PITPNC1: variants seen among roughly 807,000 people sequenced by gnomAD.
The protein encoded by PITPNC1 is cytoplasmic phosphatidylinositol transfer protein 1.
PITPNC1 carries 18 observed loss-of-function variants against 44.7 expected under a neutral mutation model. The ratio of observed to expected loss-of-function variants is 0.40; its 90% CI spans 0.28 to 0.60. PITPNC1 has a LOEUF of 0.60. PITPNC1 is among the 20% of genes least tolerant of loss of function. PITPNC1 has a pLI of 0.39. For missense variants in PITPNC1, 290 were observed against 418.4 expected (o/e 0.69, Z 2.68); for synonymous variants, 141 against 149.6 (o/e 0.94, Z 0.42).
At chr17:67,577,136 A>C (rs2041160168) in intron 4 of PITPNC1, among the ~76,000 whole-genome samples, 1 of 151,788 alleles carries the variant, frequency 6.6e-6, no homozygotes, top group Non-Finnish European at 1.5e-5. Flanking sequence ...AATTTTAAAA[A>C]TCCGCCAGGC....
At chr17:67,530,459 GT>G (rs1904969939) in intron 1 of PITPNC1, among the ~76,000 whole-genome samples, 3 of 152,020 alleles carry the variant, frequency 2.0e-5, no homozygotes, top group African/African-American at 7.2e-5. Flanking sequence ...CTGTGTCCCT[GT>G]CTAAGTTTCC....
intron 1 of PITPNC1, among the ~76,000 whole-genome samples, chr17:67,461,597 C>T (rs1160303680): frequency 6.6e-6 from 1 of 152,198 alleles, no homozygotes; most frequent in East Asian, 1.9e-4. Flanking sequence ...TGAGCCTCAG[C>T]AACACCCAGA....
At chr17:67,507,811 C>T (rs1251475865) in intron 1 of PITPNC1, among the ~76,000 whole-genome samples, 1 of 151,728 alleles carries the variant, frequency 6.6e-6, no homozygotes, top group Non-Finnish European at 1.5e-5. Context: ...TCTCAGTGTC[C>T]TTCCTGGGTT....
chr17:67,509,101 G>T (rs1215776114), intron 1 of PITPNC1, among the ~76,000 whole-genome samples: 1 of 151,890 alleles, frequency 6.6e-6, no homozygotes, highest in Middle Eastern at 3.2e-3. Flanking sequence ...GGGTGTGGTG[G>T]TGCACGCCTG....
intron 6 of PITPNC1, among the ~76,000 whole-genome samples, chr17:67,639,580 C>T (rs532859884): frequency 1.1e-4 from 17 of 152,300 alleles, no homozygotes; most frequent in Admixed American, 5.2e-4. Flanking sequence ...GGGCCCCTGA[C>T]GTGGCATAAT....
intron 1 of PITPNC1, among the ~76,000 whole-genome samples, chr17:67,399,439 C>A (rs145824283): frequency 2.2e-4 from 33 of 152,312 alleles, no homozygotes; most frequent in African/African-American, 7.7e-4. Flanking sequence ...ACTGTGCATT[C>A]TTTAGCCATT....
intron 1 of PITPNC1, among the ~76,000 whole-genome samples, chr17:67,523,656 AC>A (rs1416491565): frequency 4.0e-5 from 6 of 151,696 alleles, no homozygotes; most frequent in Non-Finnish European, 7.4e-5. Context: ...CATTTTTAAA[AC>A]CCCAGTGCTT....
At chr17:67,477,781 C>G (rs1198313359) in intron 1 of PITPNC1, among the ~76,000 whole-genome samples, 1 of 152,174 alleles carries the variant, frequency 6.6e-6, no homozygotes, top group East Asian at 1.9e-4. Flanking sequence ...GGGCTTCCCT[C>G]TACCCTGAGG....
chr17:67,675,917 C>T (rs1404009315), intron 8 of PITPNC1, among the ~76,000 whole-genome samples: 5 of 152,144 alleles, frequency 3.3e-5, no homozygotes, highest in African/African-American at 1.2e-4. Context: ...ACATTTGAAA[C>T]CACCCCTTGC....
chr17:67,441,301 C>T (rs1425396193), intron 1 of PITPNC1, among the ~76,000 whole-genome samples: 1 of 149,880 alleles, frequency 6.7e-6, no homozygotes, highest in African/African-American at 2.5e-5. Context: ...CCCATCAGTC[C>T]CCAGTTATTT....
rs16960991 is a variant in PITPNC1 at position 67,572,627 on chromosome 17, C to T, written c.295-5559C>T. Among the ~76,000 whole-genome samples, 1,029 of 151,758 alleles carry T rather than the reference C, an allele frequency of 6.8e-3. 17 individuals carry two copies. The highest frequency in any genetic ancestry group is 0.023 in the African/African-American group (958 of 41,334). ...AATGGTAATGGTGACAAAGGAGATACGCGCTGTGATAAAGGGACAAACAGA... is the reference window on the plus strand; with the variant it reads ...AATGGTAATGGTGACAAAGGAGATATGCGCTGTGATAAAGGGACAAACAGA... On this transcript the variant is annotated intron_variant, in intron 4 of 8. Transcript: ENST00000581322.
intron 5 of PITPNC1, among the ~76,000 whole-genome samples, chr17:67,631,896 A>C (rs1240688275): frequency 6.7e-6 from 1 of 150,368 alleles, no homozygotes; most frequent in African/African-American, 2.4e-5. Flanking sequence ...ACTCCTAAAA[A>C]CAGCCCAGTT....
intron 6 of PITPNC1, among the ~76,000 whole-genome samples, chr17:67,651,612 CAT>C (rs1320952368): frequency 5.9e-5 from 9 of 152,290 alleles, no homozygotes; most frequent in East Asian, 5.8e-4. Context: ...ACTATAATCA[CAT>C]GTTTACCTCA....
At position 67,570,906 on chromosome 17, in the gene PITPNC1, A is replaced by G. The variant is rs16960987; in HGVS notation, c.295-7280A>G. ...GTTACTAGTAAATATCACCCTGGGC[A>G]ATAAGCAGTGGCCATTGATTGACAA... On this transcript the variant is annotated intron_variant, in intron 4 of 8. Coordinates refer to ENST00000581322, the MANE Select transcript of PITPNC1 (RefSeq NM_012417.4). 0.014 allele frequency among the ~76,000 whole-genome samples: 2,073 copies of G among 152,274 alleles called. 264 individuals carry two copies. In the East Asian group the frequency reaches 0.31, roughly 23 times the overall value.
chr17:67,614,714 T>G (rs117845972), intron 5 of PITPNC1, among the ~76,000 whole-genome samples: 1,731 of 149,782 alleles, frequency 0.012, 11 homozygotes, highest in Middle Eastern at 0.082. Flanking sequence ...AAAAATAAAT[T>G]AAAAATGACA....
intron 6 of PITPNC1, among the ~76,000 whole-genome samples, chr17:67,661,382 T>C (rs1291970370): frequency 1.3e-5 from 2 of 152,112 alleles, no homozygotes; most frequent in Non-Finnish European, 2.9e-5. Flanking sequence ...CTTTTGTCAA[T>C]ATTGTTCTAC....
At chr17:67,520,792 A>G (rs970704387) in intron 1 of PITPNC1, among the ~76,000 whole-genome samples, 6 of 152,088 alleles carry the variant, frequency 3.9e-5, no homozygotes, top group African/African-American at 1.4e-4. Context: ...TGCTCTCTTA[A>G]TCATTCTTCA....
chr17:67,545,782 G>A (rs1341460968), intron 2 of PITPNC1, among the ~76,000 whole-genome samples: 1 of 152,098 alleles, frequency 6.6e-6, no homozygotes, highest in East Asian at 1.9e-4. Context: ...CACAGACGGA[G>A]AGACAGAAAC....
chr17:67,425,494 CTTCT>C lies in PITPNC1; in HGVS notation c.48+47293_48+47296del, dbSNP rs563273313. ...CCCTCCCTCCCTCCCTCCTTCCTTC[CTTCT>C]CTCTCATTCGCTATTTCTTTTCTTT... On this transcript the variant is annotated intron_variant, in intron 1 of 8. Transcript: ENST00000581322. Among the ~76,000 whole-genome samples, 24 of 142,004 alleles carry C rather than the reference CTTCT, an allele frequency of 1.7e-4. No individual in the cohort carries two copies. The South Asian group carries it at 5.4e-3, about 32-fold the overall frequency. 93.2% of individuals were successfully genotyped at this position (142,004 alleles called of 152,430 possible).
Sources: gnomAD v4.1 joint callset for allele counts (sites outside exome capture counted in the v4.1 genomes callset) on GRCh38, gnomAD v4.1.1 for gene constraint, MANE v1.5 for transcripts, NCBI Gene and HGNC (gene_info 2026-07-23, HGNC 2026-07-21) for gene names.